Variants in LRRC4C observed in about 807,000 individuals in gnomAD.
LRRC4C encodes leucine-rich repeat-containing protein 4C.
A neutral mutation model predicts 33.6 loss-of-function variants in LRRC4C; 5 were observed. The observed-to-expected ratio is 0.15, with a 90% CI of 0.08 to 0.31. The LOEUF is 0.31. LRRC4C is among the 10% of genes least tolerant of loss of function. The pLI is 1.00. For missense variants in LRRC4C, 560 were observed against 796.7 expected (o/e 0.70, Z 3.58); for synonymous variants, 329 against 302.0 (o/e 1.09, Z -0.93).
intron 3 of LRRC4C, among the ~76,000 whole-genome samples, chr11:40,519,677 T>C (rs1955726553): frequency 6.6e-6 from 1 of 152,184 alleles, no homozygotes; most frequent in South Asian, 2.1e-4. Flanking sequence ...GCAATGTCAA[T>C]GGAAAACTTT....
chr11:41,435,026 A>G (rs1283704438), intron 1 of LRRC4C, among the ~76,000 whole-genome samples: 1 of 152,160 alleles, frequency 6.6e-6, no homozygotes, highest in Non-Finnish European at 1.5e-5. Context: ...AGCAATAAAG[A>G]GAATGGCCCC....
At chr11:40,650,829 A>G (rs1252424919) in intron 2 of LRRC4C, among the ~76,000 whole-genome samples, 1 of 152,216 alleles carries the variant, frequency 6.6e-6, no homozygotes, top group Non-Finnish European at 1.5e-5. Flanking sequence ...TGGCCAGCCC[A>G]TAAGAATCAT....
At chr11:40,558,766 T>A (rs997371619) in intron 3 of LRRC4C, among the ~76,000 whole-genome samples, 4 of 152,130 alleles carry the variant, frequency 2.6e-5, no homozygotes, top group Non-Finnish European at 5.9e-5. Context: ...GGTAAACACG[T>A]GTCATGGGGG....
At chr11:40,817,995 G>A (rs1951775067) in intron 2 of LRRC4C, among the ~76,000 whole-genome samples, 1 of 152,032 alleles carries the variant, frequency 6.6e-6, no homozygotes, top group Non-Finnish European at 1.5e-5. Flanking sequence ...TGGTTTGTTT[G>A]TTTGTTTTTC....
At chr11:41,009,729 A>T (rs1456899796) in intron 1 of LRRC4C, among the ~76,000 whole-genome samples, 8 of 152,144 alleles carry the variant, frequency 5.3e-5, no homozygotes, top group African/African-American at 1.9e-4. Context: ...TCAGAGCCAT[A>T]GACTATAACT....
At chr11:40,313,291 A>G (rs1238906750) in intron 4 of LRRC4C, among the ~76,000 whole-genome samples, 1 of 152,032 alleles carries the variant, frequency 6.6e-6, no homozygotes, top group Non-Finnish European at 1.5e-5. Flanking sequence ...ACTGTTATAG[A>G]TTAAGGCAGA....
intron 3 of LRRC4C, among the ~76,000 whole-genome samples, chr11:40,482,819 T>A (rs1188913472): frequency 6.6e-6 from 1 of 152,118 alleles, no homozygotes; most frequent in African/African-American, 2.4e-5. Flanking sequence ...ATAAAATGAA[T>A]TTCAGAGAGG....
At chr11:41,020,724 A>G (rs1275056616) in intron 1 of LRRC4C, among the ~76,000 whole-genome samples, 1 of 152,208 alleles carries the variant, frequency 6.6e-6, no homozygotes, top group Non-Finnish European at 1.5e-5. Context: ...TTGTTTAAAA[A>G]GCCACAAGAA....
At chr11:40,382,696 T>C (rs1315169810) in intron 3 of LRRC4C, among the ~76,000 whole-genome samples, 1 of 132,550 alleles carries the variant, frequency 7.5e-6, no homozygotes, top group Non-Finnish European at 1.6e-5. Context: ...TTTTTTTTTT[T>C]TTTTTTTTTT....
intron 2 of LRRC4C, among the ~76,000 whole-genome samples, chr11:40,676,514 T>C (rs1477152358): frequency 1.3e-5 from 2 of 152,188 alleles, no homozygotes; most frequent in African/African-American, 4.8e-5. Context: ...TTCTGTTTCA[T>C]TTCCTTCAAG....
intron 1 of LRRC4C, among the ~76,000 whole-genome samples, chr11:41,404,922 A>G (rs1172982289): frequency 6.6e-6 from 1 of 152,124 alleles, no homozygotes; most frequent in Non-Finnish European, 1.5e-5. Flanking sequence ...CCATTCAGAT[A>G]ATATGGAAAA....
intron 1 of LRRC4C, among the ~76,000 whole-genome samples, chr11:41,239,195 G>A (rs1186000581): frequency 1.3e-5 from 2 of 149,094 alleles, no homozygotes; most frequent in East Asian, 2.0e-4. Flanking sequence ...GGTGGTGGAC[G>A]CCTGTAGTCC....
intron 1 of LRRC4C, among the ~76,000 whole-genome samples, chr11:41,357,727 T>C (rs1952211577): frequency 6.6e-6 from 1 of 152,098 alleles, no homozygotes; most frequent in South Asian, 2.1e-4. Context: ...ATAGCTATAA[T>C]AACAGAACAA....
At chr11:41,228,158 A>G (rs1459358549) in intron 1 of LRRC4C, among the ~76,000 whole-genome samples, 1 of 152,252 alleles carries the variant, frequency 6.6e-6, no homozygotes, top group East Asian at 1.9e-4. Flanking sequence ...TTTTTCACAG[A>G]CAAACCTTAC....
chr11:40,570,780 G>T (rs1312470451), intron 3 of LRRC4C, among the ~76,000 whole-genome samples: 1 of 151,968 alleles, frequency 6.6e-6, no homozygotes, highest in Non-Finnish European at 1.5e-5. Flanking sequence ...AGACGCTGAA[G>T]ATTTAAATTG....
intron 1 of LRRC4C, among the ~76,000 whole-genome samples, chr11:41,384,676 T>C (rs753528690): frequency 2.0e-4 from 30 of 151,240 alleles, no homozygotes; most frequent in Non-Finnish European, 4.3e-4. Context: ...GCTCATGTAT[T>C]ATGTAATGTT....
chr11:41,213,927 C>T (rs1946927606), intron 1 of LRRC4C, among the ~76,000 whole-genome samples: 1 of 152,146 alleles, frequency 6.6e-6, no homozygotes, highest in Non-Finnish European at 1.5e-5. Context: ...ATTTGTTATT[C>T]TCATTTGTTC....
chr11:40,976,754 CTG>C (rs1045388111), intron 1 of LRRC4C, among the ~76,000 whole-genome samples: 2 of 152,012 alleles, frequency 1.3e-5, no homozygotes, highest in African/African-American at 4.8e-5. Flanking sequence ...GATTGAATGA[CTG>C]TAAGAGAAGT....
chr11:41,408,754 A>AAAACAAAAAAAAC (rs1565649897), intron 1 of LRRC4C, among the ~76,000 whole-genome samples: 4 of 149,428 alleles, frequency 2.7e-5, no homozygotes, highest in African/African-American at 7.7e-5. Flanking sequence ...TTGTAAAAAA[A>AAAACAAAAAAAAC]AAAAAAAAAA....
Sources: allele counts gnomAD v4.1 joint callset (sites outside exome capture counted in the v4.1 genomes callset), GRCh38; gene constraint gnomAD v4.1.1; transcripts MANE v1.5; gene names NCBI Gene and HGNC (gene_info 2026-07-23, HGNC 2026-07-21).